The following RAPGEF6 variants were observed in gnomAD, a reference collection of about 807,000 sequenced individuals.
RAPGEF6 encodes the protein Rap guanine nucleotide exchange factor 6, also known as PDZ domain containing guanine nucleotide exchange factor (GEF) 2.
RAPGEF6 carries 56 observed loss-of-function variants against 171.4 expected under a neutral mutation model. The observed-to-expected ratio is 0.33, with a 90% CI of 0.26 to 0.41. The LOEUF is 0.41. RAPGEF6 is among the 10% of genes least tolerant of loss of function. The pLI, the probability that RAPGEF6 is intolerant of heterozygous loss-of-function variation, is 1.00. For synonymous variants in RAPGEF6, 692 were observed against 650.1 expected, an observed-to-expected ratio of 1.06 and a Z score of -0.98; for missense variants, 1,674 against 1,921.4, an observed-to-expected ratio of 0.87 and a Z score of 2.41.
chr5:131,518,393 T>C (rs1292186329), intron 7 of RAPGEF6, among the ~76,000 whole-genome samples: 1 of 111,200 alleles, frequency 9.0e-6, no homozygotes, highest in Non-Finnish European at 1.9e-5. Flanking sequence ...TATGTCAGAG[T>C]TTGAAATTTT....
intron 22 of RAPGEF6, among the ~76,000 whole-genome samples, 187 bp from the exon 23 acceptor site, chr5:131,442,724 TAAAAAATGTTA>T (rs1353589849): frequency 1.3e-5 from 2 of 152,214 alleles, no homozygotes; most frequent in African/African-American, 4.8e-5. Flanking sequence ...GTGAGTCAGA[TAAAAAATGTTA>T]TCTCTAAAAC....
chr5:131,577,933 C>T (rs1473140360), intron 4 of RAPGEF6, among the ~76,000 whole-genome samples: 8 of 152,174 alleles, frequency 5.3e-5, no homozygotes, highest in Admixed American at 5.2e-4. Context: ...CAGTCACCCC[C>T]ACTACTTGGA....
chr5:131,607,004 G>A (rs1220911192), intron 1 of RAPGEF6, among the ~76,000 whole-genome samples: 1 of 152,178 alleles, frequency 6.6e-6, no homozygotes, highest in Admixed American at 6.5e-5. Flanking sequence ...CAAAAGTGTG[G>A]CTCACAGTGG....
chr5:131,630,074 T>C (rs1360240826), intron 1 of RAPGEF6, among the ~76,000 whole-genome samples: 3 of 152,222 alleles, frequency 2.0e-5, no homozygotes, highest in East Asian at 1.9e-4. Flanking sequence ...CAGCATCACA[T>C]GCTAAAGAGA....
rs557713400 is a variant in RAPGEF6 at position 131,433,725 on chromosome 5, A to G, written c.3746-67T>C. 1.0e-5 allele frequency: 12 copies of G among 1,184,162 alleles called. No individual in the cohort carries two copies. The South Asian group carries it at 1.5e-4, about 15-fold the overall frequency. The allele number at this position is 1,184,162 out of a possible 1,614,324, so 73.4% of individuals were successfully genotyped here. ...AACATATGGTGGGGGTAGTAGGGGA[A>G]AGGATGAAAAAAAAAAACCCCACAA... is the stretch of plus-strand genomic sequence containing the variant. On this transcript the variant is annotated intron_variant, in intron 24 of 27. Transcript: ENST00000509018.
chr5:131,603,856 T>G (rs762282611), intron 2 of RAPGEF6, among the ~76,000 whole-genome samples: 3 of 152,002 alleles, frequency 2.0e-5, no homozygotes, highest in Non-Finnish European at 2.9e-5. Context: ...CTCTAATAAT[T>G]ATATTTTATC....
At chr5:131,617,901 T>C (rs947828301) in intron 1 of RAPGEF6, among the ~76,000 whole-genome samples, 11 of 152,216 alleles carry the variant, frequency 7.2e-5, no homozygotes, top group Admixed American at 1.3e-4. Context: ...ATAGAACTTA[T>C]TGATTTTCTC....
rs879499440 is a variant in RAPGEF6, at chr5:131,428,461, C to CT, written c.4780+440dup. Among the ~76,000 whole-genome samples the CT allele has an allele frequency of 3.9e-3, 558 of 142,168 alleles. 1 individual carries two copies. Among genetic ancestry groups the CT allele is most frequent in the African/African-American group, 8.0e-3 (312 of 38,908 alleles). The allele number at this position is 142,168 out of a possible 152,430, so 93.3% of individuals were successfully genotyped here. On this transcript the variant is annotated intron_variant, in intron 27 of 27. Transcript: ENST00000509018. ...CACTCCCCCATACTATATTTAGGAACTTTTTTTTTTTTTTTGGAGACAGAG... is the reference window on the plus strand; with the variant it reads ...CACTCCCCCATACTATATTTAGGAACTTTTTTTTTTTTTTTTGGAGACAGAG...
intron 19 of RAPGEF6, among the ~76,000 whole-genome samples, chr5:131,460,653 T>C (rs987137547): frequency 6.6e-6 from 1 of 152,202 alleles, no homozygotes; most frequent in Non-Finnish European, 1.5e-5. Flanking sequence ...CACTGACACA[T>C]TGCTACTATA....
intron 1 of RAPGEF6, among the ~76,000 whole-genome samples, chr5:131,614,784 G>C (rs1369137098): frequency 6.6e-6 from 1 of 152,212 alleles, no homozygotes; most frequent in Non-Finnish European, 1.5e-5. Flanking sequence ...TCTGTGATAA[G>C]GGTCACAGAC....
rs1266694134 is a variant in RAPGEF6 at position 131,561,841 on chromosome 5, A to G, written c.351+137T>C. ...AGAGACAGAAATAGATAAACCTGGT[A>G]GATAGTTCTGATGCTACTTGATGAA... On this transcript the variant is annotated intron_variant, in intron 5 of 27. Coordinates refer to ENST00000509018, the MANE Select transcript of RAPGEF6 (RefSeq NM_016340.6). 5 of 636,808 alleles carry G rather than the reference A, an allele frequency of 7.9e-6. No homozygotes were observed. The East Asian group carries it at 1.5e-4, about 20-fold the overall frequency. 39.4% of individuals were successfully genotyped at this position (636,808 alleles called of 1,614,324 possible).
intron 1 of RAPGEF6, among the ~76,000 whole-genome samples, chr5:131,632,068 T>C (rs1403013103): frequency 2.4e-5 from 3 of 124,160 alleles, no homozygotes. Flanking sequence ...AGAGCAAGAC[T>C]CTGTCTCAAA....
At chr5:131,548,606 T>C (rs1244458864) in intron 5 of RAPGEF6, among the ~76,000 whole-genome samples, 1 of 152,240 alleles carries the variant, frequency 6.6e-6, no homozygotes, top group Admixed American at 6.5e-5. Flanking sequence ...AAGAAAACTT[T>C]ATGCAATATT....
At chr5:131,572,735 G>A (rs533095517) in intron 4 of RAPGEF6, among the ~76,000 whole-genome samples, 31 of 152,084 alleles carry the variant, frequency 2.0e-4, no homozygotes, top group East Asian at 5.8e-4. Flanking sequence ...GCAACCTTCC[G>A]CCATCCATTC....
At chr5:131,554,345 G>A (rs1414759383) in intron 5 of RAPGEF6, among the ~76,000 whole-genome samples, 3 of 152,062 alleles carry the variant, frequency 2.0e-5, no homozygotes, top group East Asian at 3.8e-4. Flanking sequence ...CTATTAGGAC[G>A]GTCTCATATA....
Position 131,425,261 on chromosome 5 carries a change from A to C in RAPGEF6, c.*2005T>G, listed in dbSNP as rs1196863029. 1 of 152,392 alleles carries C rather than the reference A, an allele frequency of 6.6e-6. No individual in the cohort carries two copies. The highest frequency in any genetic ancestry group is 1.9e-4 in the East Asian group (1 of 5,344). 9.4% of individuals were successfully genotyped at this position (152,392 alleles called of 1,614,324 possible). A position where few individuals can be genotyped will look rare whatever the true frequency, so the allele number is the denominator to read the frequency against. On this transcript the variant is annotated 3_prime_UTR_variant, in exon 28 of 28. Transcript: ENST00000509018. ...GGTTTGAAAGACCTGCTAAATAAAG[A>C]CATTATGAAAACAGCACATTTTTCT...
chr5:131,581,122 C>T (rs1286473639), intron 4 of RAPGEF6, among the ~76,000 whole-genome samples: 1 of 152,220 alleles, frequency 6.6e-6, no homozygotes, highest in East Asian at 1.9e-4. Context: ...ATCTGTCCTC[C>T]AAGCTCAGGT....
intron 4 of RAPGEF6, among the ~76,000 whole-genome samples, chr5:131,563,338 G>A (rs1761725880): frequency 6.6e-6 from 1 of 151,922 alleles, no homozygotes; most frequent in Admixed American, 6.6e-5. Context: ...TTCATTGATG[G>A]GCTAGAAACA....
At position 131,472,756 on chromosome 5, in the gene RAPGEF6, T is replaced by C; in HGVS notation, c.2082-12A>G. 6.3e-7 allele frequency: 1 copy of C among 1,598,602 alleles called. No individual in the cohort carries two copies. Among genetic ancestry groups the C allele is most frequent in the Non-Finnish European group, 8.6e-7 (1 of 1,166,016 alleles). On this transcript the variant is annotated splice_polypyrimidine_tract_variant and intron_variant, in intron 16 of 27. Transcript: ENST00000509018. ...TTAGGCCTCCATCACTTCAAAAGAATGTCATATATCACTTTAAAGTATTTG... is the reference window on the plus strand; with the variant it reads ...TTAGGCCTCCATCACTTCAAAAGAACGTCATATATCACTTTAAAGTATTTG...
Sources: gnomAD v4.1 joint callset for allele counts (sites outside exome capture counted in the v4.1 genomes callset) on GRCh38, gnomAD v4.1.1 for gene constraint, MANE v1.5 for transcripts, NCBI Gene and HGNC (gene_info 2026-07-23, HGNC 2026-07-21) for gene names.